The following GALNTL6 variants were observed in gnomAD, a reference collection of about 807,000 sequenced individuals.
The protein encoded by GALNTL6 is polypeptide N-acetylgalactosaminyltransferase like 6, also known as polypeptide N-acetylgalactosaminyltransferase-like 6.
Under a neutral mutation model 73.7 loss-of-function variants are expected in GALNTL6, and 46 were observed. That is an observed-to-expected ratio of 0.62 (90% CI 0.49 to 0.80). The LOEUF is 0.80. Among genes scored for constraint, GALNTL6 ranks in the 30% least tolerant of loss-of-function variants. The pLI is 0.00. For synonymous variants in GALNTL6, 259 were observed against 263.7 expected, an observed-to-expected ratio of 0.98 and a Z score of 0.17; for missense variants, 604 against 755.0, an observed-to-expected ratio of 0.80 and a Z score of 2.34.
At chr4:172,479,582 T>TA (rs1166655299) in intron 5 of GALNTL6, among the ~76,000 whole-genome samples, 3 of 152,126 alleles carry the variant, frequency 2.0e-5, no homozygotes, top group East Asian at 3.9e-4. Context: ...AACAAAGGAT[T>TA]AAAAAATCAC....
At chr4:172,947,162 G>GCTA (rs1325893070) in intron 9 of GALNTL6, among the ~76,000 whole-genome samples, 1 of 152,124 alleles carries the variant, frequency 6.6e-6, no homozygotes, top group Non-Finnish European at 1.5e-5. Flanking sequence ...CTAAGTCTCT[G>GCTA]CTACTGCCTG....
At chr4:172,337,075 A>G (rs1219206915) in intron 4 of GALNTL6, among the ~76,000 whole-genome samples, 1 of 152,168 alleles carries the variant, frequency 6.6e-6, no homozygotes, top group East Asian at 1.9e-4. Flanking sequence ...TTTATCTGAT[A>G]CAGGAATAGT....
chr4:172,968,905 T>C (rs1433504861), intron 10 of GALNTL6, among the ~76,000 whole-genome samples: 1 of 152,022 alleles, frequency 6.6e-6, no homozygotes, highest in Non-Finnish European at 1.5e-5. Flanking sequence ...ATAAAAGCAG[T>C]TTACAATAAA....
chr4:172,075,403 C>G (rs1310242353), intron 2 of GALNTL6, among the ~76,000 whole-genome samples: 4 of 152,036 alleles, frequency 2.6e-5, no homozygotes. Context: ...GGCGCGATCT[C>G]GGCTCACTGC....
intron 5 of GALNTL6, among the ~76,000 whole-genome samples, chr4:172,640,758 G>A (rs1471583295): frequency 6.6e-6 from 1 of 152,124 alleles, no homozygotes; most frequent in Non-Finnish European, 1.5e-5. Context: ...TGCCTCCAAA[G>A]GTAGTCATAT....
At chr4:172,987,413 A>G (rs1751337174) in intron 10 of GALNTL6, among the ~76,000 whole-genome samples, 1 of 152,210 alleles carries the variant, frequency 6.6e-6, no homozygotes, top group South Asian at 2.1e-4. Flanking sequence ...AACCACCCCC[A>G]TGATTCAATT....
At chr4:173,023,534 A>G (rs1320598840) in intron 12 of GALNTL6, among the ~76,000 whole-genome samples, 2 of 152,136 alleles carry the variant, frequency 1.3e-5, no homozygotes, top group Admixed American at 6.6e-5. Context: ...GTGCATGCCT[A>G]TAGTCCCAGC....
chr4:172,579,196 T>C (rs183326170), intron 5 of GALNTL6, among the ~76,000 whole-genome samples: 7 of 152,340 alleles, frequency 4.6e-5, no homozygotes, highest in Non-Finnish European at 8.8e-5. Context: ...TTGCTGATAT[T>C]TCCCATTTAC....
At chr4:172,090,615 T>C (rs1732176025) in intron 2 of GALNTL6, among the ~76,000 whole-genome samples, 1 of 152,186 alleles carries the variant, frequency 6.6e-6, no homozygotes, top group Admixed American at 6.5e-5. Flanking sequence ...GATGGATCAA[T>C]TGCAAAAATT....
intron 11 of GALNTL6, among the ~76,000 whole-genome samples, chr4:173,011,339 G>A (rs191943425): frequency 1.3e-5 from 2 of 151,994 alleles, no homozygotes; most frequent in Non-Finnish European, 2.9e-5. Context: ...TTCCTTTGCC[G>A]TGCAGAAGCT....
rs563665911 is a variant in GALNTL6, at chr4:171,816,878, A to G, written c.138+2160A>G. ...TAAGAGTTAAGTCATTAATATTGATATTGGAACAAATAAAAAGCAACTTTT... is the reference window on the plus strand; with the variant it reads ...TAAGAGTTAAGTCATTAATATTGATGTTGGAACAAATAAAAAGCAACTTTT... On this transcript the variant is annotated intron_variant, in intron 2 of 12. Transcript: ENST00000506823. Among the ~76,000 whole-genome samples, 48 of 152,106 alleles carry G rather than the reference A, an allele frequency of 3.2e-4. 1 individual carries two copies. In the South Asian group the frequency reaches 1.0e-2, roughly 32 times the overall value.
At chr4:172,662,846 G>T (rs1256015177) in intron 5 of GALNTL6, among the ~76,000 whole-genome samples, 1 of 152,188 alleles carries the variant, frequency 6.6e-6, no homozygotes, top group Non-Finnish European at 1.5e-5. Context: ...ACAGACTGGA[G>T]AGATTAGACA....
intron 5 of GALNTL6, among the ~76,000 whole-genome samples, chr4:172,751,490 A>C (rs1193229826): frequency 6.6e-6 from 1 of 152,236 alleles, no homozygotes; most frequent in East Asian, 1.9e-4. Context: ...GATGCTACAA[A>C]GGAAAAAAAT....
At chr4:172,800,220 T>A (rs1194524324) in intron 5 of GALNTL6, among the ~76,000 whole-genome samples, 3 of 152,188 alleles carry the variant, frequency 2.0e-5, no homozygotes, top group Non-Finnish European at 4.4e-5. Flanking sequence ...TACTGAACAC[T>A]TAAAAATGAT....
chr4:172,554,709 T>C (rs2110910536), intron 5 of GALNTL6, among the ~76,000 whole-genome samples: 1 of 152,310 alleles, frequency 6.6e-6, no homozygotes, highest in East Asian at 1.9e-4. Context: ...ACATTGTGGT[T>C]ATAAGAGTCA....
intron 2 of GALNTL6, among the ~76,000 whole-genome samples, chr4:171,921,928 T>C (rs963976281): frequency 6.6e-6 from 1 of 152,090 alleles, no homozygotes; most frequent in African/African-American, 2.4e-5. Flanking sequence ...TATATTATGT[T>C]ATGATTATTT....
chr4:172,664,279 A>G (rs1296590410), intron 5 of GALNTL6, among the ~76,000 whole-genome samples: 2 of 152,232 alleles, frequency 1.3e-5, no homozygotes, highest in Admixed American at 6.5e-5. Flanking sequence ...TGTATATTAA[A>G]GGATCATGCA....
intron 4 of GALNTL6, among the ~76,000 whole-genome samples, chr4:172,328,938 C>A (rs1401085711): frequency 6.6e-6 from 1 of 152,130 alleles, no homozygotes; most frequent in East Asian, 1.9e-4. Context: ...ACACTCTGGC[C>A]ATTTGAGCTG....
At chr4:172,229,592 T>G in intron 2 of GALNTL6, 64 bp from the exon 3 acceptor site, 1 of 915,310 alleles carries the variant, frequency 1.1e-6, no homozygotes, top group Non-Finnish European at 1.8e-6. Context: ...TGCCCGGCTG[T>G]GTTTACCTAC....
Sources: allele counts gnomAD v4.1 joint callset (sites outside exome capture counted in the v4.1 genomes callset), GRCh38; gene constraint gnomAD v4.1.1; transcripts MANE v1.5; gene names NCBI Gene and HGNC (gene_info 2026-07-23, HGNC 2026-07-21).